The following SUFU variants were observed in gnomAD, a reference collection of about 807,000 sequenced individuals.
The protein encoded by SUFU is suppressor of fused homolog.
In SUFU, 7 loss-of-function variants were observed where a neutral mutation model predicts 58.9. The ratio of observed to expected loss-of-function variants is 0.12; its 90% confidence interval spans 0.07 to 0.22. SUFU has a LOEUF of 0.22. SUFU is among the 10% of genes least tolerant of loss of function. The probability of loss-of-function intolerance (pLI) is 1.00; values close to 1 mark genes in which losing one functional copy is unlikely to be tolerated. For missense variants in SUFU, 451 were observed against 641.3 expected (o/e 0.70, Z 3.20); for synonymous variants, 232 against 254.8 (o/e 0.91, Z 0.85).
rs2281879 is a variant in SUFU at position 102,509,120 on chromosome 10, G to C, written c.183-49G>C. On this transcript the variant is annotated intron_variant, in intron 1 of 11. Coordinates refer to ENST00000369902, the MANE Select transcript of SUFU (RefSeq NM_016169.4). ...AAGTAGAGCGCCTTAGCTTGACATTGTCTGATTTCCAGGCTTACACTAACA... is the reference window on the plus strand; with the variant it reads ...AAGTAGAGCGCCTTAGCTTGACATTCTCTGATTTCCAGGCTTACACTAACA... The C allele has an allele frequency of 0.35, 557,827 of 1,611,914 alleles. 97,664 individuals are homozygous for C. Among genetic ancestry groups the C allele is most frequent in the Admixed American group, 0.4 (24,090 of 59,994 alleles).
chr10:102,565,698 C>T (rs1381205769), intron 3 of SUFU, among the ~76,000 whole-genome samples: 1 of 152,190 alleles, frequency 6.6e-6, no homozygotes, highest in African/African-American at 2.4e-5. Context: ...GTGCCCGCCA[C>T]CACGCACGGC....
At chr10:102,593,835 C>A in intron 5 of SUFU, 114 bp downstream of exon 5, 1 of 1,367,856 alleles carries the variant, frequency 7.3e-7, no homozygotes. Flanking sequence ...CCTGGTTTTT[C>A]ACATCAGGGC....
At chr10:102,513,448 C>T (rs553971811) in intron 2 of SUFU, among the ~76,000 whole-genome samples, 1 of 152,340 alleles carries the variant, frequency 6.6e-6, no homozygotes, top group East Asian at 1.9e-4. Context: ...TTGTATCAGA[C>T]ACAGAACATC....
chr10:102,505,346 C>T lies in SUFU; in HGVS notation c.182+1012C>T, dbSNP rs2062311682. ...CTGGGGACTCTGGAAAAGAACCTGT[C>T]CTCAAAGTCTTGCTGGACCAAAAAC... On this transcript the variant is annotated intron_variant, in intron 1 of 11. Coordinates refer to ENST00000369902, the MANE Select transcript of SUFU (RefSeq NM_016169.4). Among the ~76,000 whole-genome samples, 3 of 152,290 alleles carry T rather than the reference C, an allele frequency of 2.0e-5. No homozygotes were observed. In the South Asian group the frequency reaches 6.2e-4, roughly 32 times the overall value.
intron 2 of SUFU, among the ~76,000 whole-genome samples, chr10:102,522,605 C>T (rs1182832447): frequency 6.6e-6 from 1 of 152,148 alleles, no homozygotes; most frequent in African/African-American, 2.4e-5. Context: ...CCATTTAGGG[C>T]TTCTGTCACA....
In SUFU at chr10:102,593,974, C is replaced by A. The variant is rs377663654; in HGVS notation, c.684-19C>A. On this transcript the variant is annotated intron_variant, in intron 5 of 11. Transcript: ENST00000369902. ...CCCAGACCCTCAGTTACCATTGTAT[C>A]CCCTTTCCTTGTCCACAGTGCTGGC... The A allele has an allele frequency of 1.2e-6, 2 of 1,614,048 alleles. No individual in the cohort carries two copies. The highest frequency in any genetic ancestry group is 1.7e-6 in the Non-Finnish European group (2 of 1,179,922).
intron 2 of SUFU, among the ~76,000 whole-genome samples, chr10:102,533,228 T>C (rs2062696750): frequency 6.6e-6 from 1 of 152,184 alleles, no homozygotes; most frequent in South Asian, 2.1e-4. Flanking sequence ...ACACTTATTG[T>C]GTTATAATTC....
At chr10:102,622,273 A>C (rs2063745901) in intron 10 of SUFU, among the ~76,000 whole-genome samples, 1 of 152,188 alleles carries the variant, frequency 6.6e-6, no homozygotes, top group South Asian at 2.1e-4. Flanking sequence ...GTATTTCCCC[A>C]GCAGCCCCTC....
At chr10:102,537,129 CTTTTTT>C (rs74317451) in intron 2 of SUFU, among the ~76,000 whole-genome samples, 2 of 119,378 alleles carry the variant, frequency 1.7e-5, no homozygotes, top group East Asian at 4.7e-4. Context: ...TTAAATTTAC[CTTTTTT>C]TTTTTTTTTT....
chr10:102,538,007 A>G (rs905309965), intron 2 of SUFU, among the ~76,000 whole-genome samples: 1 of 152,220 alleles, frequency 6.6e-6, no homozygotes, highest in African/African-American at 2.4e-5. Context: ...ATCATCTTAC[A>G]TTTCCACCAG....
At chr10:102,524,333 T>TC (rs1221458039) in intron 2 of SUFU, among the ~76,000 whole-genome samples, 1 of 148,342 alleles carries the variant, frequency 6.7e-6, no homozygotes, top group African/African-American at 2.5e-5. Flanking sequence ...TCTTTTCTTT[T>TC]TTTTTTTTTT....
chr10:102,504,025 A>G lies in SUFU; in HGVS notation c.-128A>G. On this transcript the variant is annotated 5_prime_UTR_variant, in exon 1 of 12. Coordinates refer to ENST00000369902, the MANE Select transcript of SUFU (RefSeq NM_016169.4). ...GACAGTGCGCCGTGCGCAGGCGCGG[A>G]GCTAGACCTCGCTGCAGCCCCCATC... 7.7e-7 allele frequency: 1 copy of G among 1,300,966 alleles called. No individual in the cohort carries two copies. The highest frequency in any genetic ancestry group is 1.5e-5 in the African/African-American group (1 of 65,118). 80.6% of individuals were successfully genotyped at this position (1,300,966 alleles called of 1,614,324 possible).
intron 8 of SUFU, among the ~76,000 whole-genome samples, chr10:102,612,727 A>G (rs1029899598): frequency 2.1e-4 from 32 of 152,158 alleles, no homozygotes; most frequent in Admixed American, 2.0e-3. Flanking sequence ...ACCGGTGGTC[A>G]AAGATGGCAC....
chr10:102,594,685 A>C (rs2063442909), intron 6 of SUFU, among the ~76,000 whole-genome samples: 1 of 152,156 alleles, frequency 6.6e-6, no homozygotes, highest in East Asian at 1.9e-4. Flanking sequence ...TTCCTTTGTC[A>C]TGCAGGTAAA....
intron 7 of SUFU, among the ~76,000 whole-genome samples, chr10:102,598,711 C>T (rs929427308): frequency 6.6e-6 from 1 of 152,360 alleles, no homozygotes; most frequent in East Asian, 1.9e-4. Context: ...TAAGGCCACT[C>T]TTTGAGCAAC....
rs2063823652 is a variant in SUFU, at chr10:102,630,030, A to G, written c.1366-36A>G. 7.6e-6 allele frequency: 12 copies of G among 1,589,268 alleles called. No individual in the cohort carries two copies. In the East Asian group the frequency reaches 2.7e-4, roughly 35 times the overall value. On this transcript the variant is annotated intron_variant, in intron 11 of 11. Transcript: ENST00000369902. ...AAGACCACGGTGTATTCTGCTAACC[A>G]CTCACACTCCTGGTCTGTGCTTGCT... is the stretch of plus-strand genomic sequence containing the variant.
At position 102,629,297 on chromosome 10, in the gene SUFU, C is replaced by G. The variant is rs1590094126; in HGVS notation, c.1366-769C>G. 6.6e-6 allele frequency among the ~76,000 whole-genome samples: 1 copy of G among 152,232 alleles called. No individual in the cohort carries two copies. Among genetic ancestry groups the G allele is most frequent in the Non-Finnish European group, 1.5e-5 (1 of 68,038 alleles). ...GGGAATAAGAGGCATCAGCCTCTTC[C>G]CCTTCCCCTACCAGAAACTCCCAGG... On this transcript the variant is annotated intron_variant, in intron 11 of 11. Coordinates refer to ENST00000369902, the MANE Select transcript of SUFU (RefSeq NM_016169.4). This position sits in a 1 kb window ranked among gnomAD's most constrained non-coding sequence, Gnocchi z 4.7.
chr10:102,505,727 G>T (rs1025837017), intron 1 of SUFU, among the ~76,000 whole-genome samples: 2 of 152,208 alleles, frequency 1.3e-5, no homozygotes, highest in Non-Finnish European at 2.9e-5. Context: ...CAGAGTAGAC[G>T]GGAGGAGGTG....
At chr10:102,536,992 G>A (rs941713502) in intron 2 of SUFU, among the ~76,000 whole-genome samples, 11 of 151,950 alleles carry the variant, frequency 7.2e-5, no homozygotes, top group Non-Finnish European at 1.6e-4. Flanking sequence ...TGTATTTTTA[G>A]CAGAGAGAGG....
Sources: allele counts gnomAD v4.1 joint callset (sites outside exome capture counted in the v4.1 genomes callset), GRCh38; gene constraint gnomAD v4.1.1; non-coding constraint Gnocchi (gnomAD v3.1); transcripts MANE v1.5; gene names NCBI Gene and HGNC (gene_info 2026-07-23, HGNC 2026-07-21).